FOXN2: variants seen among roughly 807,000 people sequenced by gnomAD.
FOXN2 encodes forkhead box protein N2.
In FOXN2, 19 loss-of-function variants were observed where a neutral mutation model predicts 41.2. The ratio of observed to expected loss-of-function variants is 0.46; its 90% CI spans 0.32 to 0.68. The LOEUF is 0.68. Ranked by LOEUF, FOXN2 falls within the 30% of genes least tolerant of loss-of-function variation. FOXN2 has a pLI of 0.03. For synonymous variants in FOXN2, 195 were observed against 176.8 expected (o/e 1.10, Z -0.82); for missense variants, 587 against 509.4 (o/e 1.15, Z -1.47).
intron 1 of FOXN2, among the ~76,000 whole-genome samples, chr2:48,317,113 G>A (rs1249619806): frequency 2.0e-5 from 3 of 152,116 alleles, no homozygotes; most frequent in Non-Finnish European, 4.4e-5. Context: ...GCTCTCCTGA[G>A]ATCAGGAGTT....
intron 5 of FOXN2, among the ~76,000 whole-genome samples, chr2:48,369,097 G>A (rs189685261): frequency 4.2e-4 from 64 of 152,240 alleles, no homozygotes; most frequent in Middle Eastern, 3.4e-3. Flanking sequence ...TACTGTTATA[G>A]AAACAGTACT....
chr2:48,371,894 G>A (rs1201105117), intron 5 of FOXN2, among the ~76,000 whole-genome samples: 3 of 152,012 alleles, frequency 2.0e-5, no homozygotes, highest in African/African-American at 7.3e-5. Flanking sequence ...TTTGTATCTT[G>A]CAACTTTACT....
Position 48,378,547 on chromosome 2 carries a change from GATGTGAATA to G in FOXN2, c.*3105_*3113del. On this transcript the variant is annotated 3_prime_UTR_variant, in exon 7 of 7. Coordinates refer to ENST00000340553, the MANE Select transcript of FOXN2 (RefSeq NM_002158.4). The stretch of plus-strand genomic sequence containing the variant: ...GCCTTTGCCAGCAATTTAAGCAACA[GATGTGAATA>G]CTTCACAAAGCTGTAAAGACCATTG... 6.6e-6 allele frequency: 1 copy of G among 152,322 alleles called. No individual in the cohort carries two copies. The highest frequency in any genetic ancestry group is 2.1e-4 in the South Asian group (1 of 4,812). The allele number at this position is 152,322 out of a possible 1,614,324, so 9.4% of individuals were successfully genotyped here.
intron 3 of FOXN2, among the ~76,000 whole-genome samples, chr2:48,356,438 C>CAA (rs531666142): frequency 7.0e-6 from 1 of 143,408 alleles, no homozygotes; most frequent in African/African-American, 2.6e-5. Flanking sequence ...GAGACTGTCT[C>CAA]AAAAAAAAAA....
chr2:48,360,277 A>T (rs1000720544), intron 4 of FOXN2, among the ~76,000 whole-genome samples: 11 of 152,172 alleles, frequency 7.2e-5, no homozygotes, highest in African/African-American at 2.7e-4. Context: ...TGGTTAAAAT[A>T]CTTTAAGGGT....
At chr2:48,318,517 G>C (rs1669082142) in intron 1 of FOXN2, among the ~76,000 whole-genome samples, 2 of 152,168 alleles carry the variant, frequency 1.3e-5, no homozygotes, top group Non-Finnish European at 1.5e-5. Flanking sequence ...ACCTTGATCA[G>C]GTGGTTGAGG....
chr2:48,314,479 C>T (rs1190548397), upstream of FOXN2, among the ~76,000 whole-genome samples: 1 of 152,240 alleles, frequency 6.6e-6, no homozygotes, highest in Non-Finnish European at 1.5e-5. Flanking sequence ...GGCAGCCAGC[C>T]GGAACCCAGG....
chr2:48,313,829 A>C (rs1668699773), upstream of FOXN2, among the ~76,000 whole-genome samples: 1 of 152,196 alleles, frequency 6.6e-6, no homozygotes, highest in African/African-American at 2.4e-5. Flanking sequence ...AACAAACAGG[A>C]AGTATAACCC....
intron 3 of FOXN2, among the ~76,000 whole-genome samples, chr2:48,349,592 G>A (rs986456654): frequency 1.3e-5 from 2 of 152,120 alleles, no homozygotes; most frequent in African/African-American, 4.8e-5. Flanking sequence ...TGACCAACAT[G>A]GAGAAGCCCT....
At chr2:48,315,200 G>C (rs1438266410) in intron 1 of FOXN2, among the ~76,000 whole-genome samples, 3 of 152,140 alleles carry the variant, frequency 2.0e-5, no homozygotes, top group African/African-American at 7.2e-5. Context: ...TCGGCTCGGG[G>C]CTGGAATCTG....
chr2:48,322,987 A>C (rs1669435602), intron 1 of FOXN2, among the ~76,000 whole-genome samples: 3 of 151,658 alleles, frequency 2.0e-5, no homozygotes, highest in Admixed American at 1.3e-4. Flanking sequence ...TGCTAGGAAT[A>C]AGATGCATGT....
intron 1 of FOXN2, among the ~76,000 whole-genome samples, chr2:48,328,153 G>C (rs72818500): frequency 2.6e-5 from 4 of 152,146 alleles, no homozygotes; most frequent in Admixed American, 6.5e-5. Context: ...ACAAGACCAC[G>C]TGTTTATATT....
chr2:48,323,174 T>A (rs536176734), intron 1 of FOXN2, among the ~76,000 whole-genome samples: 7 of 152,264 alleles, frequency 4.6e-5, no homozygotes, highest in South Asian at 2.1e-4. Flanking sequence ...GTTTTTTTTT[T>A]ATAACTGATA....
At chr2:48,371,630 A>G (rs147845590) in intron 5 of FOXN2, among the ~76,000 whole-genome samples, 9 of 152,156 alleles carry the variant, frequency 5.9e-5, no homozygotes, top group African/African-American at 2.2e-4. Context: ...GGATTATTTT[A>G]TATTTCCGTG....
intron 1 of FOXN2, among the ~76,000 whole-genome samples, chr2:48,316,059 G>A (rs949617761): frequency 5.3e-5 from 8 of 152,144 alleles, no homozygotes; most frequent in Middle Eastern, 6.8e-3. Context: ...GTGCGCTAGC[G>A]GCACTAGGGG....
chr2:48,359,119 C>T lies in FOXN2; in HGVS notation c.610C>T (p.Gln204Ter). 6.2e-7 allele frequency: 1 copy of T among 1,613,440 alleles called. No individual in the cohort carries two copies. Among genetic ancestry groups the T allele is most frequent in the Non-Finnish European group, 8.5e-7 (1 of 1,179,562 alleles). Residue 204 changes from glutamine (Q) to a stop codon, truncating the protein, a stop_gained, in exon 4 of 7, where the codon CAA becomes TAA. Coordinates refer to ENST00000340553, the MANE Select transcript of FOXN2 (RefSeq NM_002158.4). LOFTEE classifies it high-confidence loss of function. ...KPNLIQALKK[Q>*]PFSSASSQNG... ...CAATCTTATCCAGGCACTGAAGAAG[C>T]AACCTTTTTCTTCAGCATCTTCACA...
At chr2:48,369,906 T>G (rs6722246) in intron 5 of FOXN2, among the ~76,000 whole-genome samples, 42,356 of 151,570 alleles carry the variant, frequency 0.28, 6,458 homozygotes, top group East Asian at 0.46. Flanking sequence ...AAGCTAAGGT[T>G]GAAGGATCGT....
chr2:48,319,785 A>AT (rs545797179), intron 1 of FOXN2, among the ~76,000 whole-genome samples: 1,658 of 98,748 alleles, frequency 0.017, 35 homozygotes, highest in Non-Finnish European at 0.021. Context: ...TAATTTTTTA[A>AT]TTTTTTTTTT....
rs1572785035 is a variant in FOXN2, at chr2:48,373,422, A to G, written c.772+62A>G. 2.7e-5 allele frequency: 25 copies of G among 934,346 alleles called. No individual in the cohort carries two copies. In the East Asian group the frequency reaches 4.6e-4, roughly 17 times the overall value. The allele number at this position is 934,346 out of a possible 1,614,324, so 57.9% of individuals were successfully genotyped here. On this transcript the variant is annotated intron_variant, in intron 6 of 6. Coordinates refer to ENST00000340553, the MANE Select transcript of FOXN2 (RefSeq NM_002158.4). ...TGCCTTTTCAAATTTAACCTAGACT[A>G]TAAAATAACTATTACAGACAAAAAT...
Sources: gnomAD v4.1 joint callset for allele counts (sites outside exome capture counted in the v4.1 genomes callset) on GRCh38, gnomAD v4.1.1 for gene constraint, MANE v1.5 for transcripts, NCBI Gene and HGNC (gene_info 2026-07-23, HGNC 2026-07-21) for gene names.